CRB1: variants seen among roughly 807,000 people sequenced by gnomAD.
The protein encoded by CRB1 is protein crumbs homolog 1.
In CRB1, 83 loss-of-function variants were observed where a neutral mutation model predicts 120.0. The observed-to-expected ratio is 0.69, with a 90% CI of 0.58 to 0.83. The LOEUF (loss-of-function observed/expected upper bound fraction) is 0.83. Ranked by LOEUF, CRB1 falls within the 40% of genes least tolerant of loss-of-function variation. CRB1 has a pLI of 0.00. For missense variants in CRB1, 1,699 were observed against 1,687.6 expected, an observed-to-expected ratio of 1.01 and a Z score of -0.12; for synonymous variants, 625 against 612.5, an observed-to-expected ratio of 1.02 and a Z score of -0.30.
At chr1:197,386,681 CTT>C (rs1222481364) in intron 5 of CRB1, among the ~76,000 whole-genome samples, 1 of 152,100 alleles carries the variant, frequency 6.6e-6, no homozygotes, top group Non-Finnish European at 1.5e-5. Flanking sequence ...ACGTGCTCCT[CTT>C]TAACTCTGGA....
intron 5 of CRB1, chr1:197,413,743 A>G (rs1395317864): frequency 3.8e-6 from 1 of 259,848 alleles, no homozygotes; most frequent in African/African-American, 2.2e-5. Context: ...CTGCCTGGTA[A>G]GCAGCACAAA....
chr1:197,327,091 CAAAAAAAAAAAAAAAAAAAAAAA>C (rs71131753), intron 1 of CRB1, among the ~76,000 whole-genome samples: 22 of 25,708 alleles, frequency 8.6e-4, no homozygotes, highest in African/African-American at 3.3e-3. Flanking sequence ...TCTCACACAC[CAAAAAAAAAAAAAAAAAAAAAAA>C]AAAAAAAAAA....
upstream of CRB1, among the ~76,000 whole-genome samples, chr1:197,264,936 T>C (rs562948591): frequency 6.6e-5 from 10 of 152,236 alleles, no homozygotes; most frequent in East Asian, 1.2e-3. Context: ...GAACAGTGCA[T>C]TCTTTGTTTA....
intron 6 of CRB1, among the ~76,000 whole-genome samples, chr1:197,424,620 T>C (rs140680283): frequency 6.6e-6 from 1 of 152,192 alleles, no homozygotes; most frequent in Admixed American, 6.5e-5. Context: ...AATGTGCTTC[T>C]GTTTTTCAGC....
chr1:197,354,644 A>G (rs1014063847), intron 4 of CRB1, among the ~76,000 whole-genome samples: 1 of 151,756 alleles, frequency 6.6e-6, no homozygotes, highest in Non-Finnish European at 1.5e-5. Flanking sequence ...GAAGCTGCAG[A>G]CCTTCATGGT....
chr1:197,452,479 T>C (rs979420341), intron 11 of CRB1, among the ~76,000 whole-genome samples: 1 of 152,218 alleles, frequency 6.6e-6, no homozygotes, highest in African/African-American at 2.4e-5. Flanking sequence ...GAGTCTGGCT[T>C]GATTTCGTGA....
chr1:197,471,327 C>A (rs192176258), intron 11 of CRB1, among the ~76,000 whole-genome samples: 1 of 152,266 alleles, frequency 6.6e-6, no homozygotes, highest in Admixed American at 6.5e-5. Flanking sequence ...TCAAACCCTG[C>A]TAACTGCAGT....
At chr1:197,471,610 G>A (rs537635413) in intron 11 of CRB1, among the ~76,000 whole-genome samples, 2 of 152,140 alleles carry the variant, frequency 1.3e-5, no homozygotes, top group Non-Finnish European at 2.9e-5. Flanking sequence ...AGGAGCATCT[G>A]GCTGGATAGC....
In CRB1 at chr1:197,309,913, T is replaced by TGAA. The variant is rs1226157077; in HGVS notation, c.71-18509_71-18508insGAA. ...TTAAATGTAGTTGGCAACCCTCTTCTAGCACAATGGACACCTGCTGGACTA... is the reference window on the plus strand; with the variant it reads ...TTAAATGTAGTTGGCAACCCTCTTCTGAAAGCACAATGGACACCTGCTGGACTA... On this transcript the variant is annotated intron_variant, in intron 1 of 11. Coordinates refer to ENST00000367400, the MANE Select transcript of CRB1 (RefSeq NM_201253.3). 3.9e-5 allele frequency among the ~76,000 whole-genome samples: 6 copies of TGAA among 152,296 alleles called. No homozygotes were observed. The East Asian group carries it at 1.2e-3, about 29-fold the overall frequency.
At chr1:197,258,203 C>T in the CRB1 span, among the ~76,000 whole-genome samples, 1 of 152,088 alleles carries the variant, frequency 6.6e-6, no homozygotes, top group African/African-American at 2.4e-5. Context: ...AAATGGATCC[C>T]ATTTTTCTCA....
intron 11 of CRB1, among the ~76,000 whole-genome samples, chr1:197,452,807 T>G (rs1666035692): frequency 6.6e-6 from 1 of 152,066 alleles, no homozygotes. Context: ...TAAAAACCTG[T>G]ATGAAGTTTC....
chr1:197,430,542 C>T (rs759506499), intron 8 of CRB1, among the ~76,000 whole-genome samples: 52 of 152,148 alleles, frequency 3.4e-4, no homozygotes, highest in Non-Finnish European at 6.3e-4. Flanking sequence ...TCACTCCATT[C>T]TCTCTTTTGC....
At chr1:197,433,795 T>G (rs1292397861) in intron 8 of CRB1, among the ~76,000 whole-genome samples, 1 of 152,122 alleles carries the variant, frequency 6.6e-6, no homozygotes, top group African/African-American at 2.4e-5. Flanking sequence ...AGGACCCAGT[T>G]TATAACTGGT....
Position 197,309,311 on chromosome 1 carries a change from G to GACAC in CRB1, c.71-19097_71-19094dup, listed in dbSNP as rs139719097. On this transcript the variant is annotated intron_variant, in intron 1 of 11. Coordinates refer to ENST00000367400, the MANE Select transcript of CRB1 (RefSeq NM_201253.3). ...TTGAATGTCTTACTACGTCTTTGCT[G>GACAC]ACACACACACACACACATACACACA... 8.0e-4 allele frequency among the ~76,000 whole-genome samples: 120 copies of GACAC among 150,738 alleles called. 1 individual carries two copies. The East Asian group carries it at 0.021, about 27-fold the overall frequency.
chr1:197,333,833 TG>T (rs948601304), intron 2 of CRB1, among the ~76,000 whole-genome samples: 1 of 152,208 alleles, frequency 6.6e-6, no homozygotes, highest in African/African-American at 2.4e-5. Flanking sequence ...GGACCTGGCC[TG>T]GGAGAGTGGC....
intron 1 of CRB1, among the ~76,000 whole-genome samples, chr1:197,300,042 C>A (rs1038818405): frequency 6.6e-6 from 1 of 151,702 alleles, no homozygotes. Context: ...CATATGGCAA[C>A]CAACTTAATT....
the CRB1 span, among the ~76,000 whole-genome samples, chr1:197,211,265 C>A: frequency 6.6e-6 from 1 of 152,196 alleles, no homozygotes; most frequent in South Asian, 2.1e-4. Flanking sequence ...GGCATACCAA[C>A]AGCCATTGTT....
chr1:197,458,099 C>T lies in CRB1; in HGVS notation c.4005+15807C>T, dbSNP rs545335740. Among the ~76,000 whole-genome samples, 172 of 152,030 alleles carry T rather than the reference C, an allele frequency of 1.1e-3. 1 individual carries two copies. Among genetic ancestry groups the T allele is most frequent in the African/African-American group, 3.8e-3 (156 of 41,458 alleles). ...GGGATCACCGAACGAGGGTTATAGACAAAAGGGAAGAAAGGAAACTTAAGG... is the reference window on the plus strand; with the variant it reads ...GGGATCACCGAACGAGGGTTATAGATAAAAGGGAAGAAAGGAAACTTAAGG... On this transcript the variant is annotated intron_variant, in intron 11 of 11. Transcript: ENST00000367400.
the CRB1 span, among the ~76,000 whole-genome samples, chr1:197,207,611 A>G: frequency 2.6e-5 from 4 of 152,158 alleles, no homozygotes; most frequent in Non-Finnish European, 4.4e-5. Context: ...GTTTTCCTTC[A>G]TGGGTTACCT....
Sources: allele counts gnomAD v4.1 joint callset (sites outside exome capture counted in the v4.1 genomes callset), GRCh38; gene constraint gnomAD v4.1.1; transcripts MANE v1.5; gene names NCBI Gene and HGNC (gene_info 2026-07-23, HGNC 2026-07-21).